The following EFNA5 variants were observed in gnomAD, a reference collection of about 807,000 sequenced individuals.
The protein encoded by EFNA5 is ephrin-A5.
Under a neutral mutation model 22.9 loss-of-function variants are expected in EFNA5, and 5 were observed. The observed-to-expected ratio is 0.22, with a 90% CI of 0.11 to 0.46. The LOEUF (loss-of-function observed/expected upper bound fraction) is 0.46. Ranked by LOEUF, EFNA5 falls within the 20% of genes least tolerant of loss-of-function variation. The pLI is 0.99. For missense variants in EFNA5, 237 were observed against 293.3 expected, an observed-to-expected ratio of 0.81 and a Z score of 1.40; for synonymous variants, 113 against 112.2, an observed-to-expected ratio of 1.01 and a Z score of -0.04.
chr5:107,413,322 T>A (rs1309852806), intron 2 of EFNA5, among the ~76,000 whole-genome samples: 2 of 152,170 alleles, frequency 1.3e-5, no homozygotes, highest in Non-Finnish European at 2.9e-5. Flanking sequence ...TAAATAGTGA[T>A]TAAGTACAGA....
At chr5:107,539,120 A>G (rs1025996437) in intron 1 of EFNA5, among the ~76,000 whole-genome samples, 1 of 152,366 alleles carries the variant, frequency 6.6e-6, no homozygotes, top group Admixed American at 6.5e-5. Context: ...AGCTGCCTGG[A>G]AACACTGGGT....
chr5:107,394,814 T>G (rs1747878141), intron 2 of EFNA5, among the ~76,000 whole-genome samples: 3 of 152,174 alleles, frequency 2.0e-5, no homozygotes, highest in Admixed American at 2.0e-4. Context: ...AATACTCCAA[T>G]AGCACACTAA....
At chr5:107,641,021 T>TAGATAGAC (rs796272956) in intron 1 of EFNA5, among the ~76,000 whole-genome samples, 4,402 of 111,754 alleles carry the variant, frequency 0.039, 81 homozygotes, top group Non-Finnish European at 0.051. Context: ...GATAGATAGA[T>TAGATAGAC]AGACAGACAG....
chr5:107,621,705 T>TTAAACTAGAAAACATGTAATTATTATC (rs1301429749), intron 1 of EFNA5, among the ~76,000 whole-genome samples: 104 of 152,260 alleles, frequency 6.8e-4, no homozygotes, highest in Non-Finnish European at 1.2e-3. Flanking sequence ...TAAATGAGCA[T>TTAAACTAGAAAACATGTAATTATTATC]TAAACTAGAA....
At chr5:107,383,157 T>C (rs537681039) in intron 4 of EFNA5, among the ~76,000 whole-genome samples, 13 of 152,162 alleles carry the variant, frequency 8.5e-5, no homozygotes, top group Non-Finnish European at 1.8e-4. Flanking sequence ...GCTCTTACCA[T>C]TTTAGCCTCC....
chr5:107,657,142 C>T (rs564407705), intron 1 of EFNA5, among the ~76,000 whole-genome samples: 20 of 152,096 alleles, frequency 1.3e-4, no homozygotes, highest in African/African-American at 4.6e-4. Flanking sequence ...TAAATAAAAA[C>T]AATTTAATGT....
At chr5:107,504,006 T>C (rs1263173372) in intron 1 of EFNA5, among the ~76,000 whole-genome samples, 1 of 152,160 alleles carries the variant, frequency 6.6e-6, no homozygotes, top group Non-Finnish European at 1.5e-5. Context: ...TGACTTAAAA[T>C]CCCATTATGG....
At chr5:107,648,893 T>C (rs1220355963) in intron 1 of EFNA5, among the ~76,000 whole-genome samples, 3 of 152,208 alleles carry the variant, frequency 2.0e-5, no homozygotes, top group South Asian at 2.1e-4. Context: ...TAAATATGTA[T>C]GTATTAGTTC....
rs1561361230 is a variant in EFNA5 at position 107,380,676 on chromosome 5, TTTAG to T, written c.*575_*578del. ...AAAAAAAAAACCAGTGTCTCAACCT[TTTAG>T]AAGCCTGTTCATTTACATACTCCTA... On this transcript the variant is annotated 3_prime_UTR_variant, in exon 5 of 5. Coordinates refer to ENST00000333274, the MANE Select transcript of EFNA5 (RefSeq NM_001962.3). 5.0e-6 allele frequency: 2 copies of T among 397,806 alleles called. No individual in the cohort carries two copies. The highest frequency in any genetic ancestry group is 1.3e-4 in the South Asian group (1 of 7,830). The allele number at this position is 397,806 out of a possible 1,614,324, so 24.6% of individuals were successfully genotyped here. A position where few individuals can be genotyped will look rare whatever the true frequency, so the allele number is the denominator to read the frequency against.
At chr5:107,664,360 A>G (rs888109047) in intron 1 of EFNA5, among the ~76,000 whole-genome samples, 3 of 152,210 alleles carry the variant, frequency 2.0e-5, no homozygotes, top group African/African-American at 4.8e-5. Context: ...TTTTGAAAAC[A>G]TAAATGCAGA....
At chr5:107,453,032 T>C (rs896527301) in intron 1 of EFNA5, among the ~76,000 whole-genome samples, 1 of 152,218 alleles carries the variant, frequency 6.6e-6, no homozygotes, top group African/African-American at 2.4e-5. Flanking sequence ...CCCTGCATTG[T>C]TTTAAATAAA....
chr5:107,400,430 G>C (rs899603213), intron 2 of EFNA5, among the ~76,000 whole-genome samples: 2 of 152,126 alleles, frequency 1.3e-5, no homozygotes, highest in Non-Finnish European at 2.9e-5. Flanking sequence ...CCTCCTCAGA[G>C]AAGCCTCCTA....
chr5:107,397,012 G>A (rs1165270813), intron 2 of EFNA5, among the ~76,000 whole-genome samples: 1 of 152,102 alleles, frequency 6.6e-6, no homozygotes. Flanking sequence ...GGTGGCTATA[G>A]ATCCCGCACC....
At chr5:107,586,893 A>G (rs1749198511) in intron 1 of EFNA5, among the ~76,000 whole-genome samples, 1 of 152,206 alleles carries the variant, frequency 6.6e-6, no homozygotes, top group Non-Finnish European at 1.5e-5. Context: ...CAGAGTCTCT[A>G]TTTCTGGAAA....
At chr5:107,493,177 T>G (rs112417748) in intron 1 of EFNA5, among the ~76,000 whole-genome samples, 1 of 152,098 alleles carries the variant, frequency 6.6e-6, no homozygotes, top group South Asian at 2.1e-4. Flanking sequence ...TTTGTTCACT[T>G]TCTAGAGCAA....
At chr5:107,550,576 G>A (rs1748272961) in intron 1 of EFNA5, among the ~76,000 whole-genome samples, 1 of 152,158 alleles carries the variant, frequency 6.6e-6, no homozygotes, top group East Asian at 1.9e-4. Flanking sequence ...TACGATATAT[G>A]TACTGTACCT....
intron 2 of EFNA5, among the ~76,000 whole-genome samples, chr5:107,393,956 G>C (rs908014097): frequency 2.0e-5 from 3 of 152,192 alleles, no homozygotes; most frequent in Non-Finnish European, 1.5e-5. Context: ...TATGGACTTG[G>C]AAAATGGTTA....
chr5:107,443,220 G>A (rs577104899), intron 1 of EFNA5, among the ~76,000 whole-genome samples: 1 of 152,212 alleles, frequency 6.6e-6, no homozygotes, highest in Non-Finnish European at 1.5e-5. Flanking sequence ...TAAGGTTTCT[G>A]CCTTTTAGTA....
intron 1 of EFNA5, among the ~76,000 whole-genome samples, chr5:107,502,518 C>T (rs913745293): frequency 1.3e-5 from 2 of 152,180 alleles, no homozygotes; most frequent in Non-Finnish European, 1.5e-5. Context: ...CATTACATTA[C>T]GAAGCACAGC....
Sources: allele counts gnomAD v4.1 joint callset (sites outside exome capture counted in the v4.1 genomes callset), GRCh38; gene constraint gnomAD v4.1.1; transcripts MANE v1.5; gene names NCBI Gene and HGNC (gene_info 2026-07-23, HGNC 2026-07-21).